The following XPR1 variants were observed in gnomAD, a reference collection of about 807,000 sequenced individuals.
XPR1 encodes xenotropic and polytropic retrovirus receptor 1.
In XPR1, 28 loss-of-function variants were observed where a neutral mutation model predicts 87.5. That is an observed-to-expected ratio of 0.32 (90% confidence interval 0.24 to 0.44). The LOEUF (loss-of-function observed/expected upper bound fraction) is 0.44, where lower values mean the gene tolerates loss of function less well. Among genes scored for constraint, XPR1 ranks in the 20% least tolerant of loss-of-function variants. The pLI, the probability that XPR1 is intolerant of heterozygous loss-of-function variation, is 1.00. For synonymous variants in XPR1, 300 were observed against 306.1 expected, an observed-to-expected ratio of 0.98 and a Z score of 0.21; for missense variants, 559 against 862.3, an observed-to-expected ratio of 0.65 and a Z score of 4.41.
intron 2 of XPR1, among the ~76,000 whole-genome samples, chr1:180,716,294 G>T (rs1657993101): frequency 6.6e-6 from 1 of 151,330 alleles, no homozygotes; most frequent in Non-Finnish European, 1.5e-5. Context: ...TCACTATGTT[G>T]CCCAGACTGG....
intron 2 of XPR1, among the ~76,000 whole-genome samples, chr1:180,784,347 G>T (rs7556592): frequency 0.48 from 73,219 of 151,656 alleles, 18,469 homozygotes; most frequent in African/African-American, 0.51. Flanking sequence ...TCCTTTCATT[G>T]GTTCATTGGC....
rs966477663 is a variant in XPR1, at chr1:180,656,714, A to T, written c.69+24444A>T. Among the ~76,000 whole-genome samples the T allele has an allele frequency of 1.8e-3, 236 of 132,228 alleles. 3 individuals are homozygous for T. The highest frequency in any genetic ancestry group is 6.3e-3 in the African/African-American group (226 of 35,820). The allele number at this position is 132,228 out of a possible 152,430, so 86.7% of individuals were successfully genotyped here. ...TATATGTATTTTATATATATATATA[A>T]AATATTTTCATTATCCATTCATCTG... On this transcript the variant is annotated intron_variant, in intron 1 of 14. Coordinates refer to ENST00000367590, the MANE Select transcript of XPR1 (RefSeq NM_004736.4).
intron 11 of XPR1, among the ~76,000 whole-genome samples, chr1:180,859,094 T>C (rs1402174034): frequency 1.3e-5 from 2 of 152,298 alleles, no homozygotes; most frequent in Non-Finnish European, 2.9e-5. Context: ...TGCCACATTT[T>C]TCATTTTTGA....
chr1:180,769,346 C>A (rs1051416619), intron 2 of XPR1, among the ~76,000 whole-genome samples: 12 of 150,454 alleles, frequency 8.0e-5, no homozygotes, highest in Non-Finnish European at 1.5e-4. Context: ...AATAGTAGGT[C>A]TTATTCATTA....
chr1:180,860,578 G>A (rs1358900023), intron 11 of XPR1, among the ~76,000 whole-genome samples: 1 of 152,108 alleles, frequency 6.6e-6, no homozygotes, highest in African/African-American at 2.4e-5. Flanking sequence ...AATATATTAT[G>A]TTAAGTGAAA....
chr1:180,652,249 G>A (rs566025079), intron 1 of XPR1, among the ~76,000 whole-genome samples: 3 of 151,988 alleles, frequency 2.0e-5, no homozygotes, highest in Middle Eastern at 3.4e-3. Context: ...CTGAGATGGC[G>A]CCATTGCACT....
At chr1:180,762,445 T>C (rs1033645520) in intron 2 of XPR1, among the ~76,000 whole-genome samples, 13 of 152,158 alleles carry the variant, frequency 8.5e-5, no homozygotes, top group African/African-American at 3.1e-4. Flanking sequence ...ATTATCTTGA[T>C]CATACATTGT....
At chr1:180,861,360 C>G (rs1652215066) in intron 11 of XPR1, among the ~76,000 whole-genome samples, 1 of 151,808 alleles carries the variant, frequency 6.6e-6, no homozygotes, top group East Asian at 1.9e-4. Context: ...TTGCTTTATT[C>G]TTTGTGAACC....
chr1:180,776,145 T>G (rs1047700074), intron 2 of XPR1, among the ~76,000 whole-genome samples: 8 of 152,098 alleles, frequency 5.3e-5, no homozygotes, highest in Admixed American at 5.2e-4. Context: ...TTGTTTTCAC[T>G]GAAACTGAAA....
intron 2 of XPR1, among the ~76,000 whole-genome samples, chr1:180,684,595 C>A (rs972511041): frequency 2.0e-5 from 3 of 152,104 alleles, no homozygotes; most frequent in African/African-American, 7.2e-5. Flanking sequence ...GCCATTTTCA[C>A]AATATTGATT....
chr1:180,855,997 T>C lies in XPR1; in HGVS notation c.1502-7711T>C, dbSNP rs577258421. Reference sequence around the variant, plus strand: ...AAATCTTCAAACTGTTTGTCATTACTGGCTCCTTCCTTCTAGCCTATGTAC... The same window carrying C: ...AAATCTTCAAACTGTTTGTCATTACCGGCTCCTTCCTTCTAGCCTATGTAC... On this transcript the variant is annotated intron_variant, in intron 11 of 14. Transcript: ENST00000367590. Among the ~76,000 whole-genome samples the C allele has an allele frequency of 2.6e-5, 4 of 152,296 alleles. No individual in the cohort carries two copies. The South Asian group carries it at 8.3e-4, about 32-fold the overall frequency.
intron 2 of XPR1, among the ~76,000 whole-genome samples, chr1:180,783,151 G>A (rs962681908): frequency 2.0e-5 from 3 of 151,982 alleles, no homozygotes; most frequent in Admixed American, 2.0e-4. Flanking sequence ...CTACTAGGGA[G>A]GCTAAGGTGG....
intron 2 of XPR1, among the ~76,000 whole-genome samples, chr1:180,734,950 C>T (rs182316648): frequency 2.6e-4 from 40 of 152,264 alleles, no homozygotes; most frequent in East Asian, 2.5e-3. Context: ...TTCGGAAATA[C>T]GATCTTGGCA....
intron 2 of XPR1, among the ~76,000 whole-genome samples, chr1:180,749,639 TCACACACACACACACACA>T (rs139363505): frequency 2.1e-5 from 3 of 142,342 alleles, no homozygotes; most frequent in Non-Finnish European, 4.6e-5. Context: ...CACATATACA[TCACACACACACACACACA>T]CACACACACA....
At chr1:180,819,950 G>A (rs1033786540) in intron 7 of XPR1, among the ~76,000 whole-genome samples, 2 of 151,956 alleles carry the variant, frequency 1.3e-5, no homozygotes, top group African/African-American at 4.8e-5. Flanking sequence ...GACCCAGGAG[G>A]GGGAGGGTGC....
At chr1:180,812,131 A>AT (rs1297485231) in intron 7 of XPR1, among the ~76,000 whole-genome samples, 2 of 150,296 alleles carry the variant, frequency 1.3e-5, no homozygotes, top group Non-Finnish European at 2.9e-5. Context: ...AAACACTTTG[A>AT]TTGTTTTTTC....
intron 2 of XPR1, among the ~76,000 whole-genome samples, chr1:180,742,970 G>T (rs1658967650): frequency 6.6e-6 from 1 of 151,916 alleles, no homozygotes. Context: ...TATTTGCATG[G>T]TGTATCTTTT....
At chr1:180,757,585 T>G (rs1647797463) in intron 2 of XPR1, among the ~76,000 whole-genome samples, 1 of 150,814 alleles carries the variant, frequency 6.6e-6, no homozygotes, top group South Asian at 2.1e-4. Flanking sequence ...CATGGTTCAC[T>G]GCATCACTAC....
rs541905613 is a variant in XPR1, at chr1:180,726,495, G to A, written c.121+44084G>A. ...GAACCCACTGGAAGGAACCAGCTGC[G>A]GAAACTCCGGACACAGTTCTGTTTC... On this transcript the variant is annotated intron_variant, in intron 2 of 14. Transcript: ENST00000367590. 5.3e-5 allele frequency among the ~76,000 whole-genome samples: 8 copies of A among 152,298 alleles called. No homozygotes were observed. In the South Asian group the frequency reaches 1.7e-3, roughly 32 times the overall value.
Sources: allele counts gnomAD v4.1 joint callset (sites outside exome capture counted in the v4.1 genomes callset), GRCh38; gene constraint gnomAD v4.1.1; transcripts MANE v1.5; gene names NCBI Gene and HGNC (gene_info 2026-07-23, HGNC 2026-07-21).